PCDH11X: variants seen among roughly 807,000 people sequenced by gnomAD.
PCDH11X encodes protocadherin 11 X-linked.
PCDH11X carries 18 observed loss-of-function variants against 53.3 expected under a neutral mutation model. The ratio of observed to expected loss-of-function variants is 0.34; its 90% CI spans 0.23 to 0.50. PCDH11X has a LOEUF of 0.50. Ranked by LOEUF, PCDH11X falls within the 20% of genes least tolerant of loss-of-function variation. The pLI is 0.98. For missense variants in PCDH11X, 570 were observed against 1,032.4 expected (o/e 0.55, Z 6.14); for synonymous variants, 279 against 393.3 (o/e 0.71, Z 3.44).
intron 6 of PCDH11X, among the ~76,000 whole-genome samples, chrX:92,094,755 T>A (rs1461919638): frequency 9.0e-6 from 1 of 111,727 alleles, no homozygotes; most frequent in East Asian, 2.8e-4. Flanking sequence ...TGCTATGCCA[T>A]CATGAATACC....
At chrX:92,257,427 G>A (rs78588727) in intron 7 of PCDH11X, among the ~76,000 whole-genome samples, 2 of 111,345 alleles carry the variant, frequency 1.8e-5, no homozygotes, top group African/African-American at 3.3e-5. Context: ...CTTCCCAACA[G>A]TCCCCCAGTG....
At chrX:92,518,779 C>T (rs187798108) in intron 10 of PCDH11X, among the ~76,000 whole-genome samples, 24,302 of 75,982 alleles carry the variant, frequency 0.32, 3,569 homozygotes, top group Middle Eastern at 0.46. Flanking sequence ...TTTTTTGAGA[C>T]GGAGTCTCGC....
At chrX:91,957,626 C>T (rs771440863) in intron 6 of PCDH11X, among the ~76,000 whole-genome samples, 2 of 111,086 alleles carry the variant, frequency 1.8e-5, no homozygotes, top group East Asian at 2.9e-4. Context: ...AAGATAACAG[C>T]CAGATCCTTC....
At chrX:92,596,298 G>T (rs1442412330) in intron 10 of PCDH11X, among the ~76,000 whole-genome samples, 1 of 111,577 alleles carries the variant, frequency 9.0e-6, no homozygotes, top group Non-Finnish European at 1.9e-5. Context: ...TCAGCAGGAA[G>T]AAGCCAGAGT....
chrX:92,003,573 G>T, intron 6 of PCDH11X, among the ~76,000 whole-genome samples: 1 of 86,546 alleles, frequency 1.2e-5, no homozygotes, highest in African/African-American at 4.4e-5. Context: ...CTCATTACTT[G>T]CTATTGATCT....
intron 8 of PCDH11X, among the ~76,000 whole-genome samples, chrX:92,275,605 A>G (rs979088081): frequency 6.3e-5 from 7 of 111,853 alleles, no homozygotes; most frequent in Admixed American, 1.9e-4. Context: ...ATAGGAGAGT[A>G]TATGGGTTTG....
At chrX:92,578,963 A>G (rs1286946708) in intron 10 of PCDH11X, among the ~76,000 whole-genome samples, 1 of 111,110 alleles carries the variant, frequency 9.0e-6, no homozygotes, top group Non-Finnish European at 1.9e-5. Flanking sequence ...TCCCTCAGCA[A>G]TTGCTTGTCT....
chrX:91,857,640 C>A (rs992374995), intron 5 of PCDH11X, among the ~76,000 whole-genome samples: 3 of 111,887 alleles, frequency 2.7e-5, no homozygotes, highest in Admixed American at 1.9e-4. Flanking sequence ...GGGCTACAGG[C>A]CCCATAAAAG....
chrX:92,226,059 T>A (rs2066965142), intron 7 of PCDH11X, among the ~76,000 whole-genome samples: 1 of 111,629 alleles, frequency 9.0e-6, no homozygotes, highest in East Asian at 2.8e-4. Flanking sequence ...TGGGGAATAT[T>A]AAAACACACA....
intron 1 of PCDH11X, among the ~76,000 whole-genome samples, chrX:91,794,475 T>C (rs1602834780): frequency 8.9e-6 from 1 of 111,916 alleles, no homozygotes; most frequent in Non-Finnish European, 1.9e-5. Context: ...AAAGGAAATG[T>C]TTCTCAGATA....
chrX:92,562,750 G>A (rs958037099), intron 10 of PCDH11X, among the ~76,000 whole-genome samples: 23 of 110,226 alleles, frequency 2.1e-4, no homozygotes, highest in African/African-American at 6.6e-4. Flanking sequence ...CTCCAAGCCA[G>A]GGGCACAATG....
intron 4 of PCDH11X, among the ~76,000 whole-genome samples, chrX:91,827,234 T>C (rs1482218953): frequency 1.8e-5 from 2 of 112,136 alleles, no homozygotes; most frequent in African/African-American, 3.2e-5. Flanking sequence ...CTTTTTTTCA[T>C]ATGCTTGCTG....
intron 9 of PCDH11X, among the ~76,000 whole-genome samples, chrX:92,401,914 G>C (rs1356556087): frequency 8.9e-6 from 1 of 112,062 alleles, no homozygotes; most frequent in African/African-American, 3.2e-5. Context: ...GCTTTAAAGA[G>C]ATATAATCAT....
At chrX:92,204,939 T>G (rs2066450344) in intron 7 of PCDH11X, among the ~76,000 whole-genome samples, 1 of 111,550 alleles carries the variant, frequency 9.0e-6, no homozygotes, top group Non-Finnish European at 1.9e-5. Flanking sequence ...CTCATGATAA[T>G]TTAATATCAT....
At chrX:92,444,732 A>AT (rs33957535) in intron 9 of PCDH11X, among the ~76,000 whole-genome samples, 2,214 of 88,436 alleles carry the variant, frequency 0.025, 78 homozygotes, top group African/African-American at 0.086. Context: ...AGTCTGTTGG[A>AT]TTTTTTTTTT....
intron 6 of PCDH11X, among the ~76,000 whole-genome samples, chrX:92,050,003 G>C (rs1485328176): frequency 1.8e-5 from 2 of 112,168 alleles, no homozygotes; most frequent in African/African-American, 6.5e-5. Flanking sequence ...TCGAACTCCT[G>C]ACCTCAGGTG....
chrX:91,796,505 A>G (rs918405941), intron 1 of PCDH11X, among the ~76,000 whole-genome samples: 7 of 111,457 alleles, frequency 6.3e-5, no homozygotes, highest in African/African-American at 2.3e-4. Context: ...GCTACTGAAG[A>G]CAAATAAGTA....
chrX:92,483,865 T>G (rs943241327), intron 10 of PCDH11X, among the ~76,000 whole-genome samples: 3 of 110,046 alleles, frequency 2.7e-5, no homozygotes, highest in African/African-American at 9.9e-5. Context: ...GTAAATATGT[T>G]TCATTGTGAA....
At chrX:92,395,943 C>CT (rs1215394712) in intron 9 of PCDH11X, among the ~76,000 whole-genome samples, 65 of 93,936 alleles carry the variant, frequency 6.9e-4, no homozygotes, top group Admixed American at 9.2e-4. Context: ...TGATGAGGCC[C>CT]TTTTTTTTTT....
Sources: gnomAD v4.1 joint callset for allele counts (sites outside exome capture counted in the v4.1 genomes callset) on GRCh38, gnomAD v4.1.1 for gene constraint, MANE v1.5 for transcripts, NCBI Gene and HGNC (gene_info 2026-07-23, HGNC 2026-07-21) for gene names.